USP47: variants seen among roughly 807,000 people sequenced by gnomAD.
USP47 encodes ubiquitin carboxyl-terminal hydrolase 47.
USP47 carries 35 observed loss-of-function variants against 165.1 expected under a neutral mutation model. The ratio of observed to expected loss-of-function variants is 0.21; its 90% CI spans 0.16 to 0.28. USP47 has a LOEUF of 0.28. USP47 is among the 10% of genes least tolerant of loss of function. USP47 has a pLI of 1.00. For synonymous variants in USP47, 531 were observed against 544.5 expected (o/e 0.98, Z 0.35); for missense variants, 1,277 against 1,607.4 (o/e 0.79, Z 3.52).
At chr11:11,854,643 A>T (rs1385557918) in intron 1 of USP47, among the ~76,000 whole-genome samples, 1 of 147,700 alleles carries the variant, frequency 6.8e-6, no homozygotes, top group Non-Finnish European at 1.5e-5. Context: ...ATGAAAATGA[A>T]ATTATATTTT....
At chr11:11,885,363 A>G (rs1851088984) in intron 3 of USP47, among the ~76,000 whole-genome samples, 1 of 152,170 alleles carries the variant, frequency 6.6e-6, no homozygotes, top group Non-Finnish European at 1.5e-5. Flanking sequence ...GATTAGGCAA[A>G]CAACTCAACT....
At chr11:11,883,039 C>T (rs1158119691) in intron 2 of USP47, among the ~76,000 whole-genome samples, 1 of 152,112 alleles carries the variant, frequency 6.6e-6, no homozygotes, top group Non-Finnish European at 1.5e-5. Flanking sequence ...AATGGATACT[C>T]CTCAGAAAAC....
At position 11,842,105 on chromosome 11, in the gene USP47, G is replaced by A. The variant is rs1281765302; in HGVS notation, c.-81G>A. 4 of 1,507,930 alleles carry A rather than the reference G, an allele frequency of 2.7e-6. No individual in the cohort carries two copies. Among genetic ancestry groups the A allele is most frequent in the Non-Finnish European group, 3.6e-6 (4 of 1,114,610 alleles). The allele number at this position is 1,507,930 out of a possible 1,614,324, so 93.4% of individuals were successfully genotyped here. ...GGCGGCGGAGAGGATGACTGCCGCT[G>A]CCATTCTCTCTTGAGCTAGCGAGCC... On this transcript the variant is annotated 5_prime_UTR_variant, in exon 1 of 28. Transcript: ENST00000527733.
intron 20 of USP47, among the ~76,000 whole-genome samples, chr11:11,945,933 C>A: frequency 6.8e-6 from 1 of 146,498 alleles, no homozygotes. Context: ...AGACCCTGTC[C>A]CCCCCCCAAA....
intron 1 of USP47, among the ~76,000 whole-genome samples, chr11:11,853,038 T>C (rs1187028789): frequency 6.6e-6 from 1 of 152,164 alleles, no homozygotes; most frequent in Non-Finnish European, 1.5e-5. Flanking sequence ...CTATCTTCTA[T>C]TTTCTCTTTT....
In USP47 at chr11:11,958,221, C is replaced by T. The variant is rs1259922663; in HGVS notation, c.*2046C>T. On this transcript the variant is annotated 3_prime_UTR_variant, in exon 28 of 28. Coordinates refer to ENST00000527733, the MANE Select transcript of USP47 (RefSeq NM_001282659.2). ...TCCTATGAGCGTAAATGGTAAAATT[C>T]TTCTGATACCCACTCTTTAGACTGT... is the stretch of plus-strand genomic sequence containing the variant. 1 of 152,156 alleles carries T rather than the reference C, an allele frequency of 6.6e-6. No homozygotes were observed. The highest frequency in any genetic ancestry group is 1.5e-5 in the Non-Finnish European group (1 of 68,024). 9.4% of individuals were successfully genotyped at this position (152,156 alleles called of 1,614,324 possible).
chr11:11,874,076 A>G (rs1226670885), intron 1 of USP47, among the ~76,000 whole-genome samples: 1 of 152,230 alleles, frequency 6.6e-6, no homozygotes, highest in African/African-American at 2.4e-5. Flanking sequence ...AAACTGATAG[A>G]AAAACTAAAG....
chr11:11,948,777 T>C, intron 22 of USP47: 1 of 411,944 alleles, frequency 2.4e-6, no homozygotes, highest in Non-Finnish European at 4.4e-6. Context: ...ATGAGATGGC[T>C]ATGTCTCAAC....
intron 21 of USP47, 122 bp downstream of exon 21, chr11:11,948,242 A>G (rs972543960): frequency 1.7e-6 from 2 of 1,196,252 alleles, no homozygotes; most frequent in Non-Finnish European, 2.3e-6. Context: ...TTAATGATTA[A>G]TGGTAATTTG....
intron 4 of USP47, among the ~76,000 whole-genome samples, chr11:11,896,479 T>C (rs75262522): frequency 6.6e-6 from 1 of 152,084 alleles, no homozygotes; most frequent in Non-Finnish European, 1.5e-5. Context: ...CCTGGACAAA[T>C]TGCTGTTGTT....
intron 11 of USP47, among the ~76,000 whole-genome samples, chr11:11,924,462 G>A (rs1854090628): frequency 6.6e-6 from 1 of 152,136 alleles, no homozygotes. Context: ...TTTTGGTGAT[G>A]TTGGGCTCAT....
intron 8 of USP47, among the ~76,000 whole-genome samples, chr11:11,908,815 C>T (rs1852760032): frequency 6.6e-6 from 1 of 152,172 alleles, no homozygotes; most frequent in South Asian, 2.1e-4. Context: ...TATTGAAAGG[C>T]TCTTCTGCCA....
intron 1 of USP47, among the ~76,000 whole-genome samples, chr11:11,863,079 T>A (rs910196768): frequency 7.2e-5 from 11 of 152,216 alleles, no homozygotes; most frequent in Admixed American, 1.3e-4. Flanking sequence ...TAAGAAAGTC[T>A]TGAATTTTTA....
rs1856121489 is a variant in USP47 at position 11,950,144 on chromosome 11, A to G, written c.3464+140A>G. ...TTTTAGTATGACAGATTAGTTTAAT[A>G]GGACTAAACAAGAGTATTAAAATTT... On this transcript the variant is annotated intron_variant, in intron 23 of 27. Transcript: ENST00000527733. The G allele has an allele frequency of 3.9e-5, 28 of 712,114 alleles. No homozygotes were observed. The South Asian group carries it at 5.3e-4, about 13-fold the overall frequency. The allele number at this position is 712,114 out of a possible 1,614,324, so 44.1% of individuals were successfully genotyped here. A position where few individuals can be genotyped will look rare whatever the true frequency, so the allele number is the denominator to read the frequency against.
chr11:11,922,540 CTG>C (rs1052855970), intron 10 of USP47, among the ~76,000 whole-genome samples, 182 bp from the exon 11 acceptor site: 1 of 151,896 alleles, frequency 6.6e-6, no homozygotes, highest in Non-Finnish European at 1.5e-5. Flanking sequence ...TTAAAATACA[CTG>C]TTGCTTGTTT....
chr11:11,859,795 C>A (rs1849268596), intron 1 of USP47, among the ~76,000 whole-genome samples: 1 of 152,050 alleles, frequency 6.6e-6, no homozygotes, highest in Non-Finnish European at 1.5e-5. Flanking sequence ...AAGAAGTTCT[C>A]CCCTTCGATA....
In USP47 at chr11:11,933,916, C is replaced by T. The variant is rs776055775; in HGVS notation, c.1850C>T (p.Ala617Val). The T allele has an allele frequency of 5.6e-6, 9 of 1,606,956 alleles. No individual in the cohort carries two copies. Among genetic ancestry groups the T allele is most frequent in the African/African-American group, 1.3e-5 (1 of 74,628 alleles). Residue 617 changes from alanine to valine, a missense_variant, in exon 16 of 28, where the codon GCA becomes GTA. By Grantham distance (64) the Ala-to-Val change is moderately conservative (BLOSUM62 0). This residue lies in a region of USP47 where 909 missense variants were observed against 1,068.1 expected (regional missense o/e 0.85). Transcript: ENST00000527733. ...CATAAGGATAAGACATTAAAGGAAG[C>T]AGTAGAAATGGCTTATAAGGTATGT... ...EVHKDKTLKEAVEMAYKMMDL... is the reference protein window; with the variant it reads ...EVHKDKTLKEVVEMAYKMMDL...
At chr11:11,848,438 A>G (rs1045475559) in intron 1 of USP47, among the ~76,000 whole-genome samples, 17 of 152,206 alleles carry the variant, frequency 1.1e-4, no homozygotes, top group African/African-American at 3.9e-4. Flanking sequence ...TTGTAATCTT[A>G]TGGGACCACT....
chr11:11,912,374 A>G (rs924351520), intron 8 of USP47, among the ~76,000 whole-genome samples: 1 of 152,138 alleles, frequency 6.6e-6, no homozygotes, highest in Non-Finnish European at 1.5e-5. Context: ...AATGAAAAGG[A>G]TATAACTATA....
Sources: gnomAD v4.1 joint callset for allele counts (sites outside exome capture counted in the v4.1 genomes callset) on GRCh38, gnomAD v4.1.1 for gene constraint, gnomAD v4.1.1 regional missense constraint, MANE v1.5 for transcripts, NCBI Gene and HGNC (gene_info 2026-07-23, HGNC 2026-07-21) for gene names.